MGAT4C: variants seen among roughly 807,000 people sequenced by gnomAD.
The protein encoded by MGAT4C is MGAT4 family member C.
Under a neutral mutation model 40.1 loss-of-function variants are expected in MGAT4C, and 19 were observed. The observed-to-expected ratio is 0.47, with a 90% CI of 0.33 to 0.70. MGAT4C has a LOEUF of 0.70. MGAT4C is among the 30% of genes least tolerant of loss of function. The pLI is 0.02. For missense variants in MGAT4C, 491 were observed against 563.2 expected (o/e 0.87, Z 1.30); for synonymous variants, 181 against 187.1 (o/e 0.97, Z 0.27).
At chr12:86,754,433 G>A (rs1951269156) in intron 1 of MGAT4C, among the ~76,000 whole-genome samples, 1 of 151,920 alleles carries the variant, frequency 6.6e-6, no homozygotes, top group Non-Finnish European at 1.5e-5. Flanking sequence ...TATACATATG[G>A]CAAAACTAAT....
chr12:86,514,067 AACACACACACACACACAC>A (rs71078908), intron 2 of MGAT4C, among the ~76,000 whole-genome samples: 1 of 133,934 alleles, frequency 7.5e-6, no homozygotes, highest in Non-Finnish European at 1.6e-5. Flanking sequence ...GCCATGCACC[AACACACACACACACACAC>A]ACACACACAC....
intron 2 of MGAT4C, among the ~76,000 whole-genome samples, chr12:86,627,023 G>A (rs1962829674): frequency 6.6e-6 from 1 of 152,168 alleles, no homozygotes; most frequent in African/African-American, 2.4e-5. Flanking sequence ...CCTAAATACT[G>A]CACTTTTCCA....
intron 2 of MGAT4C, among the ~76,000 whole-genome samples, chr12:86,575,575 A>G: frequency 6.6e-6 from 1 of 151,974 alleles, no homozygotes; most frequent in South Asian, 2.1e-4. Flanking sequence ...TCCATTGTGT[A>G]TATGTATCGT....
chr12:86,135,264 T>C (rs1456021630), intron 1 of MGAT4C, among the ~76,000 whole-genome samples: 1 of 152,110 alleles, frequency 6.6e-6, no homozygotes. Flanking sequence ...CCTAGGAAAG[T>C]CTGAAGATCA....
At chr12:86,309,251 C>T (rs572206567) in intron 4 of MGAT4C, among the ~76,000 whole-genome samples, 17 of 152,114 alleles carry the variant, frequency 1.1e-4, no homozygotes, top group East Asian at 1.9e-4. Flanking sequence ...AAAACCTGGA[C>T]GCAAGCAAGT....
At chr12:86,468,588 C>T (rs767328445) in intron 2 of MGAT4C, among the ~76,000 whole-genome samples, 5 of 151,654 alleles carry the variant, frequency 3.3e-5, no homozygotes, top group Non-Finnish European at 5.9e-5. Context: ...TATCCCTTTA[C>T]CTAAAATAAA....
At chr12:86,142,670 C>T (rs117012769) in intron 1 of MGAT4C, among the ~76,000 whole-genome samples, 4,023 of 150,782 alleles carry the variant, frequency 0.027, 63 homozygotes, top group Middle Eastern at 0.05. Flanking sequence ...GTTACAATAA[C>T]TACATAGGTA....
intron 4 of MGAT4C, among the ~76,000 whole-genome samples, chr12:86,264,626 G>A (rs1288373194): frequency 6.6e-6 from 1 of 152,178 alleles, no homozygotes; most frequent in Admixed American, 6.5e-5. Context: ...GCATTTCTGT[G>A]CTCTTGGGGG....
At chr12:86,323,982 T>A (rs927596875) in intron 4 of MGAT4C, among the ~76,000 whole-genome samples, 1 of 151,986 alleles carries the variant, frequency 6.6e-6, no homozygotes, top group Admixed American at 6.6e-5. Context: ...ATATAAGCTA[T>A]TACGAATCAA....
At chr12:86,667,363 C>G (rs1018395382) in intron 2 of MGAT4C, among the ~76,000 whole-genome samples, 3 of 151,996 alleles carry the variant, frequency 2.0e-5, no homozygotes, top group Non-Finnish European at 4.4e-5. Context: ...AACATGTAAA[C>G]GTTTCAGTTT....
At chr12:86,127,900 G>C (rs182610705) in intron 1 of MGAT4C, among the ~76,000 whole-genome samples, 42 of 152,068 alleles carry the variant, frequency 2.8e-4, no homozygotes, top group Admixed American at 2.8e-3. Context: ...CCTCCTGAAG[G>C]ATATTCCAGA....
intron 2 of MGAT4C, among the ~76,000 whole-genome samples, chr12:86,009,254 CTTCTT>C (rs1592676121): frequency 6.6e-6 from 1 of 152,284 alleles, no homozygotes; most frequent in East Asian, 1.9e-4. Context: ...AAGAATTACT[CTTCTT>C]TTCTGTGTGC....
In MGAT4C at chr12:86,039,628, T is replaced by A. The variant is rs11503599; in HGVS notation, c.-7+10046A>T. Among the ~76,000 whole-genome samples, 697 of 152,244 alleles carry A rather than the reference T, an allele frequency of 4.6e-3. 6 individuals carry two copies. The highest frequency in any genetic ancestry group is 0.016 in the African/African-American group (662 of 41,570). Reference sequence around the variant, plus strand: ...TTCTAGTTAACAATTCATCTAACCTTTTTTCAAGGCTCTTAGCTTCCTTGC... The same window carrying A: ...TTCTAGTTAACAATTCATCTAACCTATTTTCAAGGCTCTTAGCTTCCTTGC... On this transcript the variant is annotated intron_variant, in intron 2 of 4. Transcript: ENST00000611864.
chr12:86,394,286 G>A (rs1309730383), intron 3 of MGAT4C, among the ~76,000 whole-genome samples: 1 of 151,898 alleles, frequency 6.6e-6, no homozygotes, highest in Non-Finnish European at 1.5e-5. Flanking sequence ...ACTAATGGAT[G>A]AAATAGATAC....
chr12:86,675,656 T>A (rs139919210), intron 2 of MGAT4C, among the ~76,000 whole-genome samples: 5 of 152,318 alleles, frequency 3.3e-5, no homozygotes, highest in African/African-American at 1.2e-4. Flanking sequence ...GCCACTGATC[T>A]TTTTTTAAAT....
intron 2 of MGAT4C, among the ~76,000 whole-genome samples, chr12:86,556,114 T>G (rs1402217928): frequency 6.6e-6 from 1 of 152,220 alleles, no homozygotes; most frequent in Non-Finnish European, 1.5e-5. Flanking sequence ...GCATTTTTAT[T>G]ATTGCATTTT....
intron 3 of MGAT4C, among the ~76,000 whole-genome samples, chr12:86,382,600 A>G (rs1051159831): frequency 1.3e-5 from 2 of 152,186 alleles, no homozygotes; most frequent in African/African-American, 4.8e-5. Context: ...AGAGACTTCA[A>G]TGGCAGCCCC....
Position 85,971,316 on chromosome 12 carries a change from T to A in MGAT4C, c.*7973A>T, listed in dbSNP as rs1883613286. 6.6e-6 allele frequency: 1 copy of A among 151,260 alleles called. No homozygotes were observed. The highest frequency in any genetic ancestry group is 1.5e-5 in the Non-Finnish European group (1 of 67,380). The allele number at this position is 151,260 out of a possible 1,614,324, so 9.4% of individuals were successfully genotyped here. A position where few individuals can be genotyped will look rare whatever the true frequency, so the allele number is the denominator to read the frequency against. On this transcript the variant is annotated 3_prime_UTR_variant, in exon 5 of 5. Transcript: ENST00000611864. ...TGAAAATATGTAGCTTTATCTACAT[T>A]ACCTTGGTTTGGACAACTGAAAAAT...
chr12:86,101,909 C>T (rs939131612), intron 1 of MGAT4C, among the ~76,000 whole-genome samples: 1 of 151,918 alleles, frequency 6.6e-6, no homozygotes, highest in Non-Finnish European at 1.5e-5. Flanking sequence ...AGTTGAAAAC[C>T]TCCTACTGAA....
Sources: gnomAD v4.1 joint callset for allele counts (sites outside exome capture counted in the v4.1 genomes callset) on GRCh38, gnomAD v4.1.1 for gene constraint, MANE v1.5 for transcripts, NCBI Gene and HGNC (gene_info 2026-07-23, HGNC 2026-07-21) for gene names.